RPRD1B: variants seen among roughly 807,000 people sequenced by gnomAD.
RPRD1B encodes the protein regulation of nuclear pre-mRNA domain containing 1B.
Under a neutral mutation model 41.5 loss-of-function variants are expected in RPRD1B, and 11 were observed. The ratio of observed to expected loss-of-function variants is 0.27; its 90% CI spans 0.17 to 0.44. The LOEUF (loss-of-function observed/expected upper bound fraction) is 0.44. RPRD1B is among the 20% of genes least tolerant of loss of function. RPRD1B has a pLI of 1.00. For missense variants in RPRD1B, 248 were observed against 389.9 expected (o/e 0.64, Z 3.06); for synonymous variants, 158 against 155.6 (o/e 1.02, Z -0.12).
At chr20:38,047,457 T>C (rs1431305528) in intron 2 of RPRD1B, among the ~76,000 whole-genome samples, 4 of 152,210 alleles carry the variant, frequency 2.6e-5, no homozygotes, top group Non-Finnish European at 5.9e-5. Flanking sequence ...ACTTAGATAC[T>C]AAGATGTCGA....
chr20:38,062,730 A>C (rs1005554188), intron 5 of RPRD1B, among the ~76,000 whole-genome samples: 1 of 151,574 alleles, frequency 6.6e-6, no homozygotes, highest in Admixed American at 6.6e-5. Context: ...TAGTCTCAAC[A>C]TAGTAACCAG....
chr20:38,091,218 A>G lies in RPRD1B; in HGVS notation c.*1343A>G, dbSNP rs1441591866. ...TAGACCAGAGGCTGAAACCCAAACTATATAAAAAGGAATTCAGTGGAGGGG... is the reference window on the plus strand; with the variant it reads ...TAGACCAGAGGCTGAAACCCAAACTGTATAAAAAGGAATTCAGTGGAGGGG... On this transcript the variant is annotated 3_prime_UTR_variant, in exon 7 of 7. Transcript: ENST00000373433. The G allele has an allele frequency of 1.0e-6, 1 of 985,728 alleles. No homozygotes were observed. Among genetic ancestry groups the G allele is most frequent in the Non-Finnish European group, 1.2e-6 (1 of 829,920 alleles). The allele number at this position is 985,728 out of a possible 1,614,324, so 61.1% of individuals were successfully genotyped here.
chr20:38,081,166 A>G (rs1336011767), intron 6 of RPRD1B, among the ~76,000 whole-genome samples: 1 of 97,810 alleles, frequency 1.0e-5, no homozygotes, highest in Non-Finnish European at 2.0e-5. Context: ...TAGTATGGCC[A>G]TTTCAACAAT....
intron 6 of RPRD1B, among the ~76,000 whole-genome samples, chr20:38,067,188 A>G (rs549412131): frequency 6.6e-5 from 10 of 152,324 alleles, no homozygotes; most frequent in Admixed American, 2.0e-4. Context: ...AATTAAGTAC[A>G]TGGTAGTTTA....
At chr20:38,042,349 G>A (rs1568643550) in intron 2 of RPRD1B, among the ~76,000 whole-genome samples, 1 of 152,132 alleles carries the variant, frequency 6.6e-6, no homozygotes, top group Admixed American at 6.5e-5. Flanking sequence ...GCATGACCCT[G>A]TCTCTAAATT....
At chr20:38,058,301 A>G (rs559195022) in intron 4 of RPRD1B, among the ~76,000 whole-genome samples, 3 of 152,294 alleles carry the variant, frequency 2.0e-5, no homozygotes, top group African/African-American at 7.2e-5. Context: ...TTTATTACAC[A>G]TGGTCATGCT....
chr20:38,070,462 T>G, intron 6 of RPRD1B: 1 of 985,516 alleles, frequency 1.0e-6, no homozygotes, highest in Non-Finnish European at 1.2e-6. Flanking sequence ...AGAAAAGCCT[T>G]CCAGCTTCAC....
chr20:38,038,146 T>C (rs1335905918), intron 1 of RPRD1B, among the ~76,000 whole-genome samples: 1 of 152,224 alleles, frequency 6.6e-6, no homozygotes, highest in Non-Finnish European at 1.5e-5. Flanking sequence ...CTAGTATTCT[T>C]ATCAGTTGGC....
intron 6 of RPRD1B, 50 bp from the exon 7 acceptor site, chr20:38,089,676 C>T (rs1250886362): frequency 2.7e-6 from 4 of 1,506,902 alleles, no homozygotes; most frequent in Admixed American, 3.5e-5. Context: ...AGCACCCATG[C>T]CCTCGGCACG....
intron 6 of RPRD1B, among the ~76,000 whole-genome samples, chr20:38,081,211 T>TCCTATCCATGAGCATAGAAGTTTTG (rs2074509772): frequency 6.6e-6 from 1 of 152,246 alleles, no homozygotes; most frequent in Non-Finnish European, 1.5e-5. Flanking sequence ...TAGAAGTTTT[T>TCCTATCCATGAGCATAGAAGTTTTG]CCATTTGTTT....
chr20:38,045,895 C>T (rs560403030), intron 2 of RPRD1B, among the ~76,000 whole-genome samples: 1 of 152,306 alleles, frequency 6.6e-6, no homozygotes, highest in South Asian at 2.1e-4. Flanking sequence ...TACATTTGCT[C>T]ACATTAGGGA....
At chr20:38,066,450 G>A (rs1247454431) in intron 6 of RPRD1B, among the ~76,000 whole-genome samples, 194 bp downstream of exon 6, 1 of 152,168 alleles carries the variant, frequency 6.6e-6, no homozygotes, top group Non-Finnish European at 1.5e-5. Flanking sequence ...ATATGTCCAG[G>A]ACAGAACAAA....
chr20:38,067,176 G>A (rs1021165191), intron 6 of RPRD1B, among the ~76,000 whole-genome samples: 3 of 152,158 alleles, frequency 2.0e-5, no homozygotes, highest in African/African-American at 4.8e-5. Flanking sequence ...GTTTGGCTTC[G>A]TAATTAAGTA....
chr20:38,037,796 A>G (rs189726153), intron 1 of RPRD1B, among the ~76,000 whole-genome samples: 24 of 152,218 alleles, frequency 1.6e-4, no homozygotes, highest in African/African-American at 5.3e-4. Context: ...TTGTTTGTCT[A>G]CTGAGAAGTA....
intron 1 of RPRD1B, among the ~76,000 whole-genome samples, chr20:38,038,565 C>T (rs1256325281): frequency 3.7e-5 from 5 of 136,400 alleles, no homozygotes; most frequent in African/African-American, 1.1e-4. Flanking sequence ...GGTGTGATCT[C>T]GGCTCACTGC....
intron 3 of RPRD1B, among the ~76,000 whole-genome samples, chr20:38,055,765 A>G (rs935316242): frequency 6.6e-6 from 1 of 152,136 alleles, no homozygotes; most frequent in Non-Finnish European, 1.5e-5. Context: ...CGATAAGGAG[A>G]CAGCACAGCG....
rs1251646255 is a variant in RPRD1B at position 38,057,565 on chromosome 20, T to C, written c.449T>C (p.Phe150Ser). ...GAGAAGAAATCTCTGAAACGAACTTTTCAGCAAATTCAGGAGGAGGAGGAT... is the reference window on the plus strand; with the variant it reads ...GAGAAGAAATCTCTGAAACGAACTTCTCAGCAAATTCAGGAGGAGGAGGAT... ...TEEKKSLKRTFQQIQEEEDDD... is the reference protein window; with the variant it reads ...TEEKKSLKRTSQQIQEEEDDD... Residue 150 changes from phenylalanine to serine, a missense_variant, in exon 4 of 7, where the codon TTT becomes TCT. Transcript: ENST00000373433. 1.2e-6 allele frequency: 2 copies of C among 1,614,122 alleles called. No homozygotes were observed. The highest frequency in any genetic ancestry group is 1.7e-6 in the Non-Finnish European group (2 of 1,179,980).
intron 2 of RPRD1B, among the ~76,000 whole-genome samples, chr20:38,045,954 G>C (rs376096560): frequency 6.6e-6 from 1 of 152,162 alleles, no homozygotes; most frequent in Admixed American, 6.5e-5. Context: ...TTCAGGGCTC[G>C]CTGTAATTGA....
chr20:38,053,247 AAATG>A (rs1392110261), intron 3 of RPRD1B, among the ~76,000 whole-genome samples: 2 of 152,226 alleles, frequency 1.3e-5, no homozygotes, highest in Non-Finnish European at 2.9e-5. Context: ...ATTTTTAAAA[AAATG>A]TATAGCTTTT....
Sources: allele counts gnomAD v4.1 joint callset (sites outside exome capture counted in the v4.1 genomes callset), GRCh38; gene constraint gnomAD v4.1.1; transcripts MANE v1.5; gene names NCBI Gene and HGNC (gene_info 2026-07-23, HGNC 2026-07-21).